The following SETX variants were observed in gnomAD, a reference collection of about 807,000 sequenced individuals.
The protein encoded by SETX is senataxin.
Under a neutral mutation model 227.2 loss-of-function variants are expected in SETX, and 90 were observed. The observed-to-expected ratio is 0.40, with a 90% CI of 0.33 to 0.47. The LOEUF (loss-of-function observed/expected upper bound fraction) is 0.47. Ranked by LOEUF, SETX falls within the 20% of genes least tolerant of loss-of-function variation. The probability of loss-of-function intolerance (pLI) is 0.91; values close to 1 mark genes in which losing one functional copy is unlikely to be tolerated. For missense variants in SETX, 3,052 were observed against 3,181.5 expected (o/e 0.96, Z 0.98); for synonymous variants, 1,210 against 1,113.2 (o/e 1.09, Z -1.73).
intron 10 of SETX, among the ~76,000 whole-genome samples, chr9:132,313,990 G>A (rs1845820380): frequency 6.6e-6 from 1 of 151,676 alleles, no homozygotes; most frequent in African/African-American, 2.4e-5. Flanking sequence ...GGAGTGCAAT[G>A]GCACCATTTC....
At position 132,327,186 on chromosome 9, in the gene SETX, G is replaced by T. The variant is rs533403902; in HGVS notation, c.4412C>A (p.Thr1471Lys). ...SEDPLGGGDP[T>K]ARHIEMAALK... ...AGCTGCCATCTCTATATGACGTGCT[G>T]TTGGATCACCTCCACCCAGAGGGTC... The change falls in exon 10 of 26, where the codon ACA becomes AAA. Residue 1471 changes from threonine to lysine, a missense_variant. By Grantham distance (78) the Thr-to-Lys change is moderately conservative. Around this residue, in one of 10 missense-constraint regions of SETX, gnomAD observed 1,483 missense variants for 1,312.0 expected, o/e 1.13. Coordinates refer to ENST00000224140, the MANE Select transcript of SETX (RefSeq NM_015046.7). 2 of 1,614,194 alleles carry T rather than the reference G, an allele frequency of 1.2e-6. No homozygotes were observed. Among genetic ancestry groups the T allele is most frequent in the East Asian group, 2.2e-5 (1 of 44,888 alleles).
In SETX at chr9:132,329,432, T is replaced by C. The variant is rs751940796; in HGVS notation, c.2166A>G (p.Thr722=). 1 of 1,613,678 alleles carries C rather than the reference T, an allele frequency of 6.2e-7. No homozygotes were observed. The highest frequency in any genetic ancestry group is 1.1e-5 in the South Asian group (1 of 91,074). The change falls in exon 10 of 26, where the codon ACA becomes ACG. Residue 722 remains threonine, a synonymous_variant. Transcript: ENST00000224140. ...CATTTCTTGAAGTACAGTCCTTTGG[T>C]GTATATGAAGAGATCTCTTTTACAG... ...QKSVKEISSY[T]PKDCTSRNGP...
chr9:132,272,946 C>G (rs1371449911), intron 23 of SETX, among the ~76,000 whole-genome samples: 6 of 152,240 alleles, frequency 3.9e-5, no homozygotes, highest in African/African-American at 1.2e-4. Context: ...GAAATGGTCA[C>G]GCTGATACTA....
At chr9:132,344,643 G>A (rs908948579) in intron 4 of SETX, among the ~76,000 whole-genome samples, 26 of 152,308 alleles carry the variant, frequency 1.7e-4, no homozygotes, top group African/African-American at 6.3e-4. Flanking sequence ...AGGAGGCCGA[G>A]GTGGGCGGAT....
At chr9:132,284,496 C>G (rs1564487023) in intron 18 of SETX, among the ~76,000 whole-genome samples, 1 of 152,022 alleles carries the variant, frequency 6.6e-6, no homozygotes, top group African/African-American at 2.4e-5. Context: ...TTACTATTAC[C>G]CTCTTTCCCT....
At chr9:132,352,138 T>G (rs973781734) in intron 2 of SETX, among the ~76,000 whole-genome samples, 2 of 152,194 alleles carry the variant, frequency 1.3e-5, no homozygotes, top group East Asian at 1.9e-4. Context: ...GCTTCTACCC[T>G]TACACTCCAC....
intron 21 of SETX, 145 bp from the exon 22 acceptor site, chr9:132,277,297 T>C (rs1843216189): frequency 1.4e-6 from 1 of 712,858 alleles, no homozygotes; most frequent in Admixed American, 2.1e-5. Context: ...AGACGTGTAT[T>C]AGTGAAAGGT....
chr9:132,302,356 CA>C (rs35649212), intron 11 of SETX, among the ~76,000 whole-genome samples: 41 of 27,812 alleles, frequency 1.5e-3, no homozygotes, highest in South Asian at 4.3e-3. Context: ...GAATCCATCT[CA>C]AAAAAAAAAA....
chr9:132,284,106 A>G (rs1315772629), intron 18 of SETX, among the ~76,000 whole-genome samples: 2 of 152,214 alleles, frequency 1.3e-5, no homozygotes, highest in Admixed American at 6.5e-5. Flanking sequence ...ATGGAATTCA[A>G]GGCATTCGTG....
chr9:132,329,289 T>C lies in SETX; in HGVS notation c.2309A>G (p.Asp770Gly). Residue 770 changes from aspartate (D) to glycine (G), a missense_variant, in exon 10 of 26, where the codon GAT (aspartate) becomes GGT (glycine). Physicochemically the swap from Asp to Gly is moderately conservative, Grantham distance 94. Transcript: ENST00000224140. ...TCGTTTTGAGGTTTTAGCAAGAGCA[T>C]CATCCTTTAAAGAGAAATCTTCATT... ...TSNEDFSLKD[D>G]ALAKTSKRKT... is the part of the protein sequence containing the mutation. 6.2e-7 allele frequency: 1 copy of C among 1,613,934 alleles called. No homozygotes were observed. The highest frequency in any genetic ancestry group is 8.5e-7 in the Non-Finnish European group (1 of 1,179,912).
intron 11 of SETX, among the ~76,000 whole-genome samples, chr9:132,303,852 T>C (rs558314385): frequency 2.0e-5 from 3 of 152,310 alleles, no homozygotes; most frequent in South Asian, 4.1e-4. Flanking sequence ...ATGGGCGCAG[T>C]AGCTCACGTC....
At chr9:132,272,655 C>T (rs751019847) in intron 23 of SETX, among the ~76,000 whole-genome samples, 11 of 152,176 alleles carry the variant, frequency 7.2e-5, no homozygotes, top group Non-Finnish European at 1.3e-4. Flanking sequence ...TGAATTTCCT[C>T]CTCTCTCCAT....
chr9:132,328,312 G>T lies in SETX; in HGVS notation c.3286C>A (p.His1096Asn), dbSNP rs956612292. 1.9e-6 allele frequency: 3 copies of T among 1,613,850 alleles called. No homozygotes were observed. The Admixed American group carries it at 5.0e-5, about 27-fold the overall frequency. Residue 1096 changes from histidine to asparagine, a missense_variant, in exon 10 of 26, where the codon CAT becomes AAT. By Grantham distance (68) the His-to-Asn change is moderately conservative. This residue lies in a region of SETX where 1,483 missense variants were observed against 1,312.0 expected (regional missense o/e 1.13). Coordinates refer to ENST00000224140, the MANE Select transcript of SETX (RefSeq NM_015046.7). ...TGAACTGAATTATTATCGTCTGGAT[G>T]ATCTTGCCAAACTGAAAACACTTCA... ...SSEVFSVWQD[H>N]PDDNNSVQDG...
Position 132,286,480 on chromosome 9 carries a change from A to C in SETX, c.6339T>G (p.Asp2113Glu). The change falls in exon 18 of 26, where the codon GAT becomes GAG. Residue 2113 changes from aspartate (D) to glutamate (E), a missense_variant. By Grantham distance (45) the Asp-to-Glu change is conservative (BLOSUM62 2). This residue lies in a region of SETX where 412 missense variants were observed against 589.0 expected (regional missense o/e 0.70). Coordinates refer to ENST00000224140, the MANE Select transcript of SETX (RefSeq NM_015046.7). ...GGREIQRQEL[D>E]ENISKVSKER... ...CCTTAGAAACTTTGGAAATGTTTTC[A>C]TCTAATTCTTGCCTCTGGAAAAAAA... The C allele has an allele frequency of 6.2e-7, 1 of 1,613,658 alleles. No individual in the cohort carries two copies. The highest frequency in any genetic ancestry group is 8.5e-7 in the Non-Finnish European group (1 of 1,179,718).
In SETX at chr9:132,264,971, C is replaced by A; in HGVS notation, c.7302G>T (p.Trp2434Cys). 1 of 1,613,786 alleles carries A rather than the reference C, an allele frequency of 6.2e-7. No homozygotes were observed. Among genetic ancestry groups the A allele is most frequent in the South Asian group, 1.1e-5 (1 of 91,052 alleles). The change falls in exon 26 of 26, where the codon TGG (tryptophan) becomes TGT (cysteine). Residue 2434 changes from tryptophan to cysteine, a missense_variant. Physicochemically the swap from Trp to Cys is radical, Grantham distance 215. Coordinates refer to ENST00000224140, the MANE Select transcript of SETX (RefSeq NM_015046.7). ...HLRTLMENQH[W>C]NQLIQDAQKR... ...TCTGAGCATCCTGAATCAGCTGATT[C>A]CAATGCTGGTTTTCCTTGAAACAAT...
intron 5 of SETX, among the ~76,000 whole-genome samples, chr9:132,337,959 T>TG (rs1847734612): frequency 6.6e-6 from 1 of 152,192 alleles, no homozygotes. Context: ...GCAAAGGATA[T>TG]GGCGTGCCTC....
At chr9:132,342,512 CT>C (rs1848040326) in intron 5 of SETX, among the ~76,000 whole-genome samples, 177 bp downstream of exon 5, 3 of 152,306 alleles carry the variant, frequency 2.0e-5, no homozygotes, top group African/African-American at 7.2e-5. Context: ...ATCCCCTACC[CT>C]CTGAGATCCC....
chr9:132,285,521 G>A (rs373668563), intron 18 of SETX, among the ~76,000 whole-genome samples: 23 of 151,306 alleles, frequency 1.5e-4, no homozygotes, highest in Middle Eastern at 6.8e-3. Flanking sequence ...CCGAGACGGG[G>A]GATGACTTGA....
In SETX at chr9:132,281,455, T is replaced by C. The variant is rs1015821444; in HGVS notation, c.6654+12A>G. 10 of 1,597,884 alleles carry C rather than the reference T, an allele frequency of 6.3e-6. No individual in the cohort carries two copies. In the Admixed American group the frequency reaches 8.3e-5, roughly 13 times the overall value. ...CTTCCATTTTAAAGCAATCTGAACA[T>C]AAAAAACTTACCATAGAGATGACTG... On this transcript the variant is annotated intron_variant, in intron 20 of 25. Coordinates refer to ENST00000224140, the MANE Select transcript of SETX (RefSeq NM_015046.7).
Sources: gnomAD v4.1 joint callset for allele counts (sites outside exome capture counted in the v4.1 genomes callset) on GRCh38, gnomAD v4.1.1 for gene constraint, gnomAD v4.1.1 regional missense constraint, MANE v1.5 for transcripts, NCBI Gene and HGNC (gene_info 2026-07-23, HGNC 2026-07-21) for gene names.